GAB4: variants seen among roughly 807,000 people sequenced by gnomAD.
GAB4 encodes GRB2-associated-binding protein 4.
GAB4 carries 26 observed loss-of-function variants against 51.3 expected under a neutral mutation model. The ratio of observed to expected loss-of-function variants is 0.51; its 90% confidence interval spans 0.37 to 0.70. GAB4 has a LOEUF of 0.70. Ranked by LOEUF, GAB4 falls within the 30% of genes least tolerant of loss-of-function variation. The probability of loss-of-function intolerance (pLI) is 0.00; values close to 1 mark genes in which losing one functional copy is unlikely to be tolerated. For missense variants in GAB4, 759 were observed against 734.6 expected (o/e 1.03, Z -0.38); for synonymous variants, 329 against 291.2 (o/e 1.13, Z -1.32).
In GAB4 at chr22:17,008,213, G is replaced by C; in HGVS notation, c.-99C>G. 1 of 851,890 alleles carries C rather than the reference G, an allele frequency of 1.2e-6. No individual in the cohort carries two copies. The highest frequency in any genetic ancestry group is 1.8e-6 in the Non-Finnish European group (1 of 545,594). The allele number at this position is 851,890 out of a possible 1,614,324, so 52.8% of individuals were successfully genotyped here. ...GGCTTGCGATACCCTGGGACTGCGG[G>C]GTAGAAAGCGCAGTTCTAGGGGAGG... is the stretch of plus-strand genomic sequence containing the variant. On this transcript the variant is annotated 5_prime_UTR_variant, in exon 1 of 10. Coordinates refer to ENST00000400588, the MANE Select transcript of GAB4 (RefSeq NM_001037814.1).
chr22:16,963,186 G>C (rs2060643201), intron 9 of GAB4, among the ~76,000 whole-genome samples: 1 of 152,170 alleles, frequency 6.6e-6, no homozygotes, highest in Non-Finnish European at 1.5e-5. Context: ...AATTTCCCAG[G>C]TGTCAACAAG....
rs116325774 is a variant in GAB4, at chr22:16,991,895, G to A, written c.456C>T (p.Gly152=). ...EWVQSICQIC[G]FRQEESTGFL... ...TACCTGTGCTTTCCTCCTGCCTGAA[G>A]CCACAGATCTGACAGATGCTCTGGA... is the stretch of plus-strand genomic sequence containing the variant. The change falls in exon 2 of 10, where the codon GGC becomes GGT. Residue 152 remains glycine, a synonymous_variant. Coordinates refer to ENST00000400588, the MANE Select transcript of GAB4 (RefSeq NM_001037814.1). 6.9e-4 allele frequency: 1,119 copies of A among 1,613,730 alleles called. 6 individuals carry two copies. The African/African-American group carries it at 0.013, about 19-fold the overall frequency.
chr22:16,964,883 G>A (rs2060659429), intron 7 of GAB4, 21 bp from the exon 8 acceptor site: 2 of 1,593,136 alleles, frequency 1.3e-6, no homozygotes, highest in Non-Finnish European at 1.7e-6. Flanking sequence ...AAGAAGGCAA[G>A]GAGTACATCC....
chr22:16,962,859 G>A lies in GAB4; in HGVS notation c.1599C>T (p.Val533=), dbSNP rs1279191731. The part of the protein sequence containing the change: ...FQPSKPSIGS[V]TSGKKVDYVQ... ...CATAGTCCACCTTCTTGCCGGACGTGACAGAGCCTATGGATGGCTGAGGGA... is the reference window on the plus strand; with the variant it reads ...CATAGTCCACCTTCTTGCCGGACGTAACAGAGCCTATGGATGGCTGAGGGA... Residue 533 remains valine (V), a synonymous_variant, in exon 10 of 10, where the codon GTC becomes GTT. Transcript: ENST00000400588. 6.2e-7 allele frequency: 1 copy of A among 1,613,228 alleles called. No individual in the cohort carries two copies. The highest frequency in any genetic ancestry group is 2.2e-5 in the East Asian group (1 of 44,852).
intron 5 of GAB4, 29 bp downstream of exon 5, chr22:16,968,269 C>T (rs1239523914): frequency 6.5e-7 from 1 of 1,549,052 alleles, no homozygotes; most frequent in Non-Finnish European, 8.9e-7. Flanking sequence ...CTGAGCCAGT[C>T]TGGGGACCCC....
At chr22:16,997,212 T>A (rs917570748) in intron 1 of GAB4, among the ~76,000 whole-genome samples, 2 of 152,106 alleles carry the variant, frequency 1.3e-5, no homozygotes, top group Admixed American at 6.6e-5. Context: ...CCTTGAGGAG[T>A]CGCCACACTG....
rs1207338983 is a variant in GAB4 at position 17,007,985 on chromosome 22, C to G, written c.130G>C (p.Gly44Arg). ...TCGGGGGGCGACTTCCTCAGCCAGC[C>G]GCTGTACAGCACGTGGCCACTTCTC... ...STRSGHVLYS[G>R]WLRKSPPEKK... is the part of the protein sequence containing the mutation. Residue 44 changes from glycine (G) to arginine (R), a missense_variant, in exon 1 of 10, where the codon GGC becomes CGC. Coordinates refer to ENST00000400588, the MANE Select transcript of GAB4 (RefSeq NM_001037814.1). 7 of 1,609,238 alleles carry G rather than the reference C, an allele frequency of 4.3e-6. No individual in the cohort carries two copies. The Admixed American group carries it at 5.0e-5, about 12-fold the overall frequency.
chr22:16,981,308 TTA>T (rs1409916347), intron 3 of GAB4, among the ~76,000 whole-genome samples: 3 of 150,544 alleles, frequency 2.0e-5, no homozygotes, highest in East Asian at 3.9e-4. Flanking sequence ...TAAATAAAAT[TTA>T]GAGTGAAAAA....
At chr22:16,999,436 TTATAG>T (rs1231701072) in intron 1 of GAB4, among the ~76,000 whole-genome samples, 1 of 152,246 alleles carries the variant, frequency 6.6e-6, no homozygotes, top group African/African-American at 2.4e-5. Flanking sequence ...ATAAAGGTGT[TTATAG>T]TATTCTCTGG....
Position 17,007,924 on chromosome 22 carries a change from C to A in GAB4, c.174+17G>T. On this transcript the variant is annotated intron_variant, in intron 1 of 9. Coordinates refer to ENST00000400588, the MANE Select transcript of GAB4 (RefSeq NM_001037814.1). The stretch of plus-strand genomic sequence containing the variant: ...CCTCCGTGGCGCTCCTGGTACCGCC[C>A]CCACTGCCCCACTCACAAAGAGCCT... 1 of 1,464,064 alleles carries A rather than the reference C, an allele frequency of 6.8e-7. No homozygotes were observed. The highest frequency in any genetic ancestry group is 9.0e-7 in the Non-Finnish European group (1 of 1,112,946). 90.7% of individuals were successfully genotyped at this position (1,464,064 alleles called of 1,614,324 possible). A position where few individuals can be genotyped will look rare whatever the true frequency, so the allele number is the denominator to read the frequency against.
Position 16,980,107 on chromosome 22 carries a change from C to A in GAB4, c.686+7853G>T, listed in dbSNP as rs562423259. Reference sequence around the variant, plus strand: ...TTAAGCACACAGGCATGGGCAAAGACTTCATGAATAAAACACCAAAAGCAA... The same window carrying A: ...TTAAGCACACAGGCATGGGCAAAGAATTCATGAATAAAACACCAAAAGCAA... On this transcript the variant is annotated intron_variant, in intron 3 of 9. Coordinates refer to ENST00000400588, the MANE Select transcript of GAB4 (RefSeq NM_001037814.1). Among the ~76,000 whole-genome samples the A allele has an allele frequency of 5.9e-5, 9 of 152,254 alleles. No individual in the cohort carries two copies. The East Asian group carries it at 1.5e-3, about 26-fold the overall frequency.
In GAB4 at chr22:16,964,757, A is replaced by G; in HGVS notation, c.1476+9T>C. On this transcript the variant is annotated intron_variant, in intron 8 of 9. Transcript: ENST00000400588. ...GATAGGAGCCTTACAGTGACCCCCA[A>G]GGACTCACCGGGAAAAGATACCTCT... 2 of 1,591,052 alleles carry G rather than the reference A, an allele frequency of 1.3e-6. No homozygotes were observed. Among genetic ancestry groups the G allele is most frequent in the Non-Finnish European group, 1.7e-6 (2 of 1,159,272 alleles).
intron 3 of GAB4, among the ~76,000 whole-genome samples, chr22:16,983,378 T>C (rs2060842217): frequency 1.3e-5 from 2 of 152,096 alleles, no homozygotes. Context: ...ACCCCAACAC[T>C]ACCTAAAGAA....
chr22:16,999,080 G>A (rs1390819128), intron 1 of GAB4, among the ~76,000 whole-genome samples: 1 of 152,184 alleles, frequency 6.6e-6, no homozygotes, highest in Non-Finnish European at 1.5e-5. Context: ...ATGTTCATCA[G>A]GGATATTGGT....
intron 1 of GAB4, among the ~76,000 whole-genome samples, chr22:16,994,296 A>C (rs571215874): frequency 5.3e-5 from 8 of 152,178 alleles, no homozygotes; most frequent in Non-Finnish European, 1.2e-4. Context: ...GGCCTCACTT[A>C]ATCTCCCAGC....
intron 1 of GAB4, among the ~76,000 whole-genome samples, chr22:16,997,128 C>T (rs2060956656): frequency 6.6e-6 from 1 of 152,130 alleles, no homozygotes; most frequent in Non-Finnish European, 1.5e-5. Context: ...CTTTATAGTA[C>T]AATGATTTAT....
At chr22:16,997,035 C>T (rs1301981594) in intron 1 of GAB4, among the ~76,000 whole-genome samples, 4 of 151,916 alleles carry the variant, frequency 2.6e-5, no homozygotes, top group Non-Finnish European at 5.9e-5. Context: ...TGTATATGTG[C>T]CACATTTTCT....
chr22:17,007,825 G>A, intron 1 of GAB4, 116 bp downstream of exon 1: 1 of 944,114 alleles, frequency 1.1e-6, no homozygotes, highest in Non-Finnish European at 1.6e-6. Flanking sequence ...CAGACGTGGA[G>A]AAGTCGCCTC....
chr22:17,007,820 G>A lies in GAB4; in HGVS notation c.174+121C>T, dbSNP rs1159664885. The A allele has an allele frequency of 1.5e-5, 13 of 886,374 alleles. 1 individual carries two copies. Among genetic ancestry groups the A allele is most frequent in the African/African-American group, 8.5e-5 (5 of 58,596 alleles). 54.9% of individuals were successfully genotyped at this position (886,374 alleles called of 1,614,324 possible). ...CGGGGAGTCGCCTTCGCATGCAGAC[G>A]TGGAGAAGTCGCCTCCACCCGCAGC... is the stretch of plus-strand genomic sequence containing the variant. On this transcript the variant is annotated intron_variant, in intron 1 of 9. Coordinates refer to ENST00000400588, the MANE Select transcript of GAB4 (RefSeq NM_001037814.1).
Sources: allele counts gnomAD v4.1 joint callset (sites outside exome capture counted in the v4.1 genomes callset), GRCh38; gene constraint gnomAD v4.1.1; transcripts MANE v1.5; gene names NCBI Gene and HGNC (gene_info 2026-07-23, HGNC 2026-07-21).